CFAP20DC: variants seen among roughly 807,000 people sequenced by gnomAD.
The protein encoded by CFAP20DC is protein CFAP20DC.
Under a neutral mutation model 101.7 loss-of-function variants are expected in CFAP20DC, and 84 were observed. The ratio of observed to expected loss-of-function variants is 0.83; its 90% CI spans 0.69 to 0.99. The LOEUF is 0.99. Among genes scored for constraint, CFAP20DC ranks in the 50% least tolerant of loss-of-function variants. The pLI is 0.00. For synonymous variants in CFAP20DC, 359 were observed against 351.2 expected (o/e 1.02, Z -0.25); for missense variants, 1,007 against 970.3 (o/e 1.04, Z -0.50).
intron 14 of CFAP20DC, among the ~76,000 whole-genome samples, chr3:58,820,032 A>C (rs2075508900): frequency 6.7e-6 from 1 of 149,134 alleles, no homozygotes; most frequent in African/African-American, 2.5e-5. Flanking sequence ...ACAGAGCCAA[A>C]GACAAAAACC....
chr3:58,878,994 C>T (rs969740769), intron 7 of CFAP20DC, among the ~76,000 whole-genome samples: 8 of 149,832 alleles, frequency 5.3e-5, no homozygotes, highest in African/African-American at 1.5e-4. Flanking sequence ...GGCAACAGAG[C>T]GAGACTTCGT....
chr3:58,921,848 T>C (rs1055496997), intron 5 of CFAP20DC, among the ~76,000 whole-genome samples: 1 of 152,196 alleles, frequency 6.6e-6, no homozygotes, highest in Non-Finnish European at 1.5e-5. Flanking sequence ...TTAGTTTTGT[T>C]AGTTTTTGCT....
At chr3:59,011,322 T>C (rs367794094) in intron 4 of CFAP20DC, among the ~76,000 whole-genome samples, 122 of 150,396 alleles carry the variant, frequency 8.1e-4, no homozygotes, top group Middle Eastern at 3.5e-3. Context: ...TGCTTGAACC[T>C]GGGAGGTGGA....
intron 14 of CFAP20DC, among the ~76,000 whole-genome samples, chr3:58,814,912 C>T (rs376259609): frequency 0.054 from 8,058 of 149,806 alleles, 474 homozygotes; most frequent in East Asian, 0.34. Context: ...GAATCAATAT[C>T]GTGAAAATGG....
intron 5 of CFAP20DC, among the ~76,000 whole-genome samples, chr3:58,925,304 T>C (rs2085829427): frequency 6.6e-6 from 1 of 152,202 alleles, no homozygotes; most frequent in African/African-American, 2.4e-5. Context: ...CTTACAATCA[T>C]CCCCAACATG....
intron 15 of CFAP20DC, among the ~76,000 whole-genome samples, chr3:58,787,413 A>G (rs889518377): frequency 1.3e-5 from 2 of 151,598 alleles, no homozygotes; most frequent in African/African-American, 4.8e-5. Context: ...TGGGTGCAGC[A>G]CACCAGCATG....
chr3:58,958,354 T>C (rs2090831611), intron 4 of CFAP20DC, among the ~76,000 whole-genome samples: 1 of 152,224 alleles, frequency 6.6e-6, no homozygotes, highest in South Asian at 2.1e-4. Flanking sequence ...TTGCAGAATG[T>C]ATGGTAACTT....
At chr3:58,803,062 C>G (rs2073824715) in intron 15 of CFAP20DC, among the ~76,000 whole-genome samples, 1 of 152,096 alleles carries the variant, frequency 6.6e-6, no homozygotes, top group Non-Finnish European at 1.5e-5. Flanking sequence ...AGGTGACTCT[C>G]TAAACATGTA....
chr3:58,813,230 T>C (rs1036528287), intron 14 of CFAP20DC, among the ~76,000 whole-genome samples: 11 of 151,990 alleles, frequency 7.2e-5, no homozygotes, highest in African/African-American at 2.2e-4. Flanking sequence ...TTCAGTTACA[T>C]TTCAAAACAT....
intron 15 of CFAP20DC, among the ~76,000 whole-genome samples, chr3:58,765,466 C>G (rs2070190452): frequency 1.1e-5 from 1 of 94,058 alleles, no homozygotes; most frequent in African/African-American, 4.3e-5. Flanking sequence ...AGAACACATT[C>G]TAGCCAAAAA....
At chr3:59,008,698 C>T (rs962922835) in intron 4 of CFAP20DC, among the ~76,000 whole-genome samples, 11 of 148,190 alleles carry the variant, frequency 7.4e-5, no homozygotes, top group African/African-American at 1.5e-4. Context: ...CATCACACTT[C>T]GGGGACTGTT....
chr3:58,856,729 G>A (rs1453519242), intron 12 of CFAP20DC, among the ~76,000 whole-genome samples: 4 of 152,178 alleles, frequency 2.6e-5, no homozygotes, highest in Non-Finnish European at 5.9e-5. Context: ...GTCTAGAGAA[G>A]ATGGTAAACA....
chr3:58,957,561 T>C (rs886511051), intron 4 of CFAP20DC, among the ~76,000 whole-genome samples: 4 of 152,328 alleles, frequency 2.6e-5, no homozygotes, highest in Admixed American at 1.3e-4. Context: ...CCCGTGTATG[T>C]TGCAGCACTC....
At chr3:58,819,056 A>T (rs929272824) in intron 14 of CFAP20DC, among the ~76,000 whole-genome samples, 2 of 150,722 alleles carry the variant, frequency 1.3e-5, no homozygotes, top group African/African-American at 4.9e-5. Flanking sequence ...GTACATAACG[A>T]AATGAAGGCA....
Position 58,884,650 on chromosome 3 carries a change from G to T in CFAP20DC, c.610C>A (p.Gln204Lys), listed in dbSNP as rs1403112882. The T allele has an allele frequency of 6.2e-7, 1 of 1,613,714 alleles. No individual in the cohort carries two copies. The highest frequency in any genetic ancestry group is 8.5e-7 in the Non-Finnish European group (1 of 1,179,704). The change falls in exon 7 of 17, where the codon CAA (glutamine) becomes AAA (lysine). Residue 204 changes from glutamine (Q) to lysine (K), a missense_variant. Transcript: ENST00000482387. ...ACATGTGGAACATCTGTCATTAGTT[G>T]ACAGCTTCGTGGTATAATATCTGTA... ...EPTDIIPRSC[Q>K]LMTDVPHVTQ...
At position 59,014,049 on chromosome 3, in the gene CFAP20DC, T is replaced by C. The variant is rs1311211244; in HGVS notation, c.278+25508A>G. Among the ~76,000 whole-genome samples the C allele has an allele frequency of 3.3e-5, 5 of 152,218 alleles. No individual in the cohort carries two copies. The highest frequency in any genetic ancestry group is 7.3e-5 in the Non-Finnish European group (5 of 68,036). ...TATCAGCTTGCTTTTCTACTGAAAT[T>C]GCATAAAACAGATAGGACAGCTAAT... On this transcript the variant is annotated intron_variant, in intron 4 of 16. Coordinates refer to ENST00000482387, the MANE Select transcript of CFAP20DC (RefSeq NM_001394063.1). This position sits in a 1 kb window ranked among gnomAD's most constrained non-coding sequence, Gnocchi z 4.9.
chr3:58,870,663 T>C (rs1325322478), intron 7 of CFAP20DC, among the ~76,000 whole-genome samples: 4 of 138,618 alleles, frequency 2.9e-5, no homozygotes, highest in Admixed American at 2.8e-4. Flanking sequence ...CCGAGGCGGG[T>C]GGATCATGAG....
intron 15 of CFAP20DC, among the ~76,000 whole-genome samples, chr3:58,805,035 A>C (rs913617422): frequency 1.3e-5 from 2 of 152,160 alleles, no homozygotes; most frequent in East Asian, 3.9e-4. Flanking sequence ...AAGTCCTGTA[A>C]ACCACTTACG....
intron 15 of CFAP20DC, among the ~76,000 whole-genome samples, chr3:58,786,814 T>A (rs1299697550): frequency 6.6e-6 from 1 of 151,964 alleles, no homozygotes; most frequent in Non-Finnish European, 1.5e-5. Flanking sequence ...TGCTAAGATC[T>A]ATGGTAAGAA....
Sources: gnomAD v4.1 joint callset for allele counts (sites outside exome capture counted in the v4.1 genomes callset) on GRCh38, gnomAD v4.1.1 for gene constraint, Gnocchi (gnomAD v3.1) non-coding constraint, MANE v1.5 for transcripts, NCBI Gene and HGNC (gene_info 2026-07-23, HGNC 2026-07-21) for gene names.